ANTXR2: variants seen among roughly 807,000 people sequenced by gnomAD.
The protein encoded by ANTXR2 is ANTXR cell adhesion molecule 2.
A neutral mutation model predicts 73.7 loss-of-function variants in ANTXR2; 44 were observed. The ratio of observed to expected loss-of-function variants is 0.60; its 90% confidence interval spans 0.47 to 0.77. ANTXR2 has a LOEUF of 0.77. Among genes scored for constraint, ANTXR2 ranks in the 30% least tolerant of loss-of-function variants. The probability of loss-of-function intolerance (pLI) is 0.00; values close to 1 mark genes in which losing one functional copy is unlikely to be tolerated. For synonymous variants in ANTXR2, 217 were observed against 205.9 expected (o/e 1.05, Z -0.46); for missense variants, 604 against 592.5 (o/e 1.02, Z -0.20).
At chr4:79,960,622 T>C (rs1729105873) in intron 16 of ANTXR2, among the ~76,000 whole-genome samples, 1 of 152,044 alleles carries the variant, frequency 6.6e-6, no homozygotes, top group African/African-American at 2.4e-5. Flanking sequence ...CTTTCATTTC[T>C]CCTTATTTTC....
intron 12 of ANTXR2, among the ~76,000 whole-genome samples, chr4:79,987,076 C>T (rs893038247): frequency 1.3e-5 from 2 of 152,166 alleles, no homozygotes; most frequent in Non-Finnish European, 2.9e-5. Context: ...ATTCTGGCAA[C>T]TCTAAAAGCC....
chr4:80,005,170 T>C (rs1731244478), intron 12 of ANTXR2, among the ~76,000 whole-genome samples: 1 of 152,138 alleles, frequency 6.6e-6, no homozygotes, highest in African/African-American at 2.4e-5. Context: ...TTTCTTTCCA[T>C]GTTCTCTGTA....
intron 16 of ANTXR2, among the ~76,000 whole-genome samples, chr4:79,922,399 A>C (rs1727625909): frequency 6.6e-6 from 1 of 152,086 alleles, no homozygotes; most frequent in Admixed American, 6.6e-5. Flanking sequence ...AGGCACTCCT[A>C]GTCTAAACAA....
intron 7 of ANTXR2, among the ~76,000 whole-genome samples, chr4:80,048,506 C>T (rs1246803371): frequency 6.6e-6 from 1 of 151,592 alleles, no homozygotes; most frequent in Non-Finnish European, 1.5e-5. Context: ...TTTTGTTTCT[C>T]CTATGAATGT....
intron 16 of ANTXR2, among the ~76,000 whole-genome samples, chr4:79,953,822 AC>A (rs1331450906): frequency 1.3e-5 from 2 of 152,038 alleles, no homozygotes; most frequent in African/African-American, 4.8e-5. Context: ...CAATAATATG[AC>A]TAAGATACTT....
At chr4:79,965,347 G>C (rs1729322709) in intron 16 of ANTXR2, among the ~76,000 whole-genome samples, 1 of 152,126 alleles carries the variant, frequency 6.6e-6, no homozygotes, top group African/African-American at 2.4e-5. Context: ...AAACAGCTGT[G>C]TTTTATTGTC....
chr4:79,983,902 C>T lies in ANTXR2; in HGVS notation c.1155G>A (p.Gly385=), dbSNP rs1729992452. The T allele has an allele frequency of 3.7e-6, 6 of 1,611,510 alleles. No individual in the cohort carries two copies. Among genetic ancestry groups the T allele is most frequent in the Non-Finnish European group, 5.1e-6 (6 of 1,178,800 alleles). Residue 385 remains glycine, a synonymous_variant, in exon 14 of 17, where the codon GGG becomes GGA. Transcript: ENST00000403729. Reference sequence around the variant, plus strand: ...CCTCCATTCTTTTAATTCCTCCAACCCCTCGACCACCATAATAGGAAGCAT... The same window carrying T: ...CCTCCATTCTTTTAATTCCTCCAACTCCTCGACCACCATAATAGGAAGCAT... The part of the protein sequence containing the change: ...TVDASYYGGR[G]VGGIKRMEVR...
At chr4:80,063,442 T>A (rs982396962) in intron 3 of ANTXR2, among the ~76,000 whole-genome samples, 78 of 149,896 alleles carry the variant, frequency 5.2e-4, no homozygotes, top group African/African-American at 1.1e-3. Flanking sequence ...CATTTTTTTT[T>A]ATAAACAATA....
In ANTXR2 at chr4:80,031,747, T is replaced by C. The variant is rs1291346276; in HGVS notation, c.797-55A>G. ...AAGGGTTTTATGCATCTCACACAGT[T>C]TCATTAATAATATGAACAGCATGCT... On this transcript the variant is annotated intron_variant, in intron 9 of 16. Coordinates refer to ENST00000403729, the MANE Select transcript of ANTXR2 (RefSeq NM_058172.6). 15 of 1,066,612 alleles carry C rather than the reference T, an allele frequency of 1.4e-5. No homozygotes were observed. In the East Asian group the frequency reaches 4.7e-4, roughly 33 times the overall value. 66.1% of individuals were successfully genotyped at this position (1,066,612 alleles called of 1,614,324 possible).
chr4:79,956,823 C>T (rs1371354001), intron 16 of ANTXR2, among the ~76,000 whole-genome samples: 1 of 151,848 alleles, frequency 6.6e-6, no homozygotes, highest in Admixed American at 6.6e-5. Context: ...TATTGGAAAC[C>T]CAAGTTTTAT....
intron 12 of ANTXR2, among the ~76,000 whole-genome samples, chr4:79,986,949 C>T (rs1482266273): frequency 2.6e-5 from 4 of 152,180 alleles, no homozygotes; most frequent in Non-Finnish European, 5.9e-5. Context: ...TTTATACTGC[C>T]TTCAAACCCT....
chr4:79,915,779 T>A (rs116480144), intron 16 of ANTXR2, among the ~76,000 whole-genome samples: 11 of 151,498 alleles, frequency 7.3e-5, no homozygotes, highest in African/African-American at 2.7e-4. Flanking sequence ...AAAAGGCATG[T>A]AGTATCACAT....
chr4:79,961,340 T>C (rs1268642113), intron 16 of ANTXR2, among the ~76,000 whole-genome samples: 3 of 152,170 alleles, frequency 2.0e-5, no homozygotes, highest in Non-Finnish European at 4.4e-5. Flanking sequence ...CATTGGATGA[T>C]TTAATTGATT....
At chr4:79,979,598 T>G (rs900143749) in intron 14 of ANTXR2, among the ~76,000 whole-genome samples, 2 of 152,158 alleles carry the variant, frequency 1.3e-5, no homozygotes, top group African/African-American at 4.8e-5. Context: ...GTCATTAAAA[T>G]GTATCTATAT....
chr4:80,035,897 A>C, intron 8 of ANTXR2, 75 bp downstream of exon 8: 8 of 1,158,762 alleles, frequency 6.9e-6, no homozygotes, highest in Non-Finnish European at 9.8e-6. Flanking sequence ...TTCCAACATG[A>C]GTTTCATATC....
chr4:80,040,268 G>A (rs953594307), intron 7 of ANTXR2, among the ~76,000 whole-genome samples: 1 of 151,772 alleles, frequency 6.6e-6, no homozygotes, highest in Non-Finnish European at 1.5e-5. Context: ...TGTACCTCCT[G>A]AATCTAAAAT....
intron 12 of ANTXR2, among the ~76,000 whole-genome samples, chr4:79,994,307 T>A (rs1730621930): frequency 6.6e-6 from 1 of 151,990 alleles, no homozygotes; most frequent in Admixed American, 6.6e-5. Flanking sequence ...ACAATCCCAA[T>A]GTTCAAATTT....
intron 11 of ANTXR2, among the ~76,000 whole-genome samples, chr4:80,011,466 A>G (rs908707282): frequency 6.6e-6 from 1 of 152,126 alleles, no homozygotes; most frequent in African/African-American, 2.4e-5. Context: ...ATTTTGTAAG[A>G]CCCTGGCAAG....
chr4:80,048,629 G>A (rs1001756092), intron 7 of ANTXR2, among the ~76,000 whole-genome samples: 1 of 151,678 alleles, frequency 6.6e-6, no homozygotes, highest in Non-Finnish European at 1.5e-5. Context: ...AATCACTTAA[G>A]CTAAGGTATT....
Sources: allele counts gnomAD v4.1 joint callset (sites outside exome capture counted in the v4.1 genomes callset), GRCh38; gene constraint gnomAD v4.1.1; transcripts MANE v1.5; gene names NCBI Gene and HGNC (gene_info 2026-07-23, HGNC 2026-07-21).